SGPP2: variants seen among roughly 807,000 people sequenced by gnomAD.
SGPP2 encodes the protein sphingosine-1-phosphate phosphatase 2, also known as sphingosine 1-phosphate phosphohydrolase 2.
Under a neutral mutation model 33.9 loss-of-function variants are expected in SGPP2, and 30 were observed. That is an observed-to-expected ratio of 0.89 (90% CI 0.66 to 1.20). The LOEUF is 1.20. Among genes scored for constraint, SGPP2 ranks in the 50% most tolerant of loss-of-function variants. SGPP2 has a pLI of 0.00. For missense variants in SGPP2, 458 were observed against 532.1 expected, an observed-to-expected ratio of 0.86 and a Z score of 1.37; for synonymous variants, 233 against 225.0, an observed-to-expected ratio of 1.04 and a Z score of -0.32.
chr2:222,428,852 C>T (rs957742814), intron 1 of SGPP2, among the ~76,000 whole-genome samples: 1 of 145,014 alleles, frequency 6.9e-6, no homozygotes, highest in African/African-American at 2.6e-5. Flanking sequence ...AGTACAGTGG[C>T]TCCATCTCAG....
intron 4 of SGPP2, among the ~76,000 whole-genome samples, chr2:222,547,986 C>G (rs1457119195): frequency 2.6e-5 from 4 of 152,148 alleles, no homozygotes; most frequent in Non-Finnish European, 5.9e-5. Context: ...AGAAATATTA[C>G]ATTGAGATTT....
chr2:222,432,715 G>A (rs1697174821), intron 1 of SGPP2, among the ~76,000 whole-genome samples: 1 of 152,056 alleles, frequency 6.6e-6, no homozygotes, highest in African/African-American at 2.4e-5. Context: ...GTGGAGGGGG[G>A]AATGAAAAGT....
intron 2 of SGPP2, among the ~76,000 whole-genome samples, chr2:222,483,887 A>C (rs1431265197): frequency 1.3e-5 from 2 of 152,214 alleles, no homozygotes; most frequent in African/African-American, 4.8e-5. Flanking sequence ...GCTTGAGATT[A>C]ATGAGTCTTT....
chr2:222,453,581 GA>G (rs962984337), intron 1 of SGPP2, among the ~76,000 whole-genome samples: 60 of 145,852 alleles, frequency 4.1e-4, no homozygotes, highest in Middle Eastern at 6.9e-3. Context: ...TGAAGACAAG[GA>G]AAAAAAAAAT....
rs978553020 is a variant in SGPP2, at chr2:222,546,473, T to G, written c.649-11874T>G. Among the ~76,000 whole-genome samples the G allele has an allele frequency of 1.3e-5, 2 of 152,170 alleles. 1 individual carries two copies. Among genetic ancestry groups the G allele is most frequent in the South Asian group, 4.1e-4 (2 of 4,832 alleles). On this transcript the variant is annotated intron_variant, in intron 4 of 4. Coordinates refer to ENST00000321276, the MANE Select transcript of SGPP2 (RefSeq NM_152386.4). ...AAAAGAGAACATGGCCATATTTGACTTCACTGGAACAATCTGCAAAAAACT... is the reference window on the plus strand; with the variant it reads ...AAAAGAGAACATGGCCATATTTGACGTCACTGGAACAATCTGCAAAAAACT...
At chr2:222,481,776 A>C (rs1698034329) in intron 2 of SGPP2, among the ~76,000 whole-genome samples, 1 of 152,140 alleles carries the variant, frequency 6.6e-6, no homozygotes, top group Non-Finnish European at 1.5e-5. Flanking sequence ...AACCTGGTAC[A>C]TGCTGCCTGA....
At chr2:222,442,286 T>G (rs1049000210) in intron 1 of SGPP2, among the ~76,000 whole-genome samples, 2 of 152,232 alleles carry the variant, frequency 1.3e-5, no homozygotes, top group Non-Finnish European at 2.9e-5. Flanking sequence ...TTTTAGCTAT[T>G]TACTCACTTG....
rs35051844 is a variant in SGPP2 at position 222,501,326 on chromosome 2, A to ATT, written c.379-20433_379-20432dup. On this transcript the variant is annotated intron_variant, in intron 2 of 4. Transcript: ENST00000321276. ...ATCTCTCCAGAAATAAATCTTACTT[A>ATT]TTTTTTTTTGAGTGATCACCACTTA... Among the ~76,000 whole-genome samples the ATT allele has an allele frequency of 6.7e-3, 1,017 of 150,754 alleles. 4 individuals carry two copies. The highest frequency in any genetic ancestry group is 0.023 in the African/African-American group (957 of 41,210).
intron 4 of SGPP2, among the ~76,000 whole-genome samples, chr2:222,539,797 A>G (rs1698964839): frequency 1.3e-5 from 2 of 152,168 alleles, no homozygotes; most frequent in Non-Finnish European, 2.9e-5. Context: ...CAACATCTTC[A>G]GTTCAGGTGG....
At chr2:222,458,745 C>T (rs1697610828) in intron 1 of SGPP2, among the ~76,000 whole-genome samples, 1 of 152,130 alleles carries the variant, frequency 6.6e-6, no homozygotes, top group African/African-American at 2.4e-5. Context: ...ACATTTTCAT[C>T]ACCCCAAAAA....
intron 1 of SGPP2, among the ~76,000 whole-genome samples, chr2:222,425,184 C>G (rs1697044216): frequency 6.6e-6 from 1 of 152,202 alleles, no homozygotes; most frequent in Non-Finnish European, 1.5e-5. Flanking sequence ...GGGAGACGTT[C>G]TTAGACTCCC....
In SGPP2 at chr2:222,558,786, C is replaced by A. The variant is rs1420420235; in HGVS notation, c.1088C>A (p.Ala363Asp). 6.2e-7 allele frequency: 1 copy of A among 1,614,108 alleles called. No individual in the cohort carries two copies. The change falls in exon 5 of 5, where the codon GCC becomes GAC. Residue 363 changes from alanine (A) to aspartate (D), a missense_variant. Transcript: ENST00000321276. Reference protein sequence around the residue: ...WFKVVTRNKEARRRLEIEVPY... With the variant: ...WFKVVTRNKEDRRRLEIEVPY... ...AAGGTGGTCACCAGGAACAAGGAGGCCAGGCGGAGACTGGAGATTGAAGTG... is the reference window on the plus strand; with the variant it reads ...AAGGTGGTCACCAGGAACAAGGAGGACAGGCGGAGACTGGAGATTGAAGTG...
At chr2:222,557,871 A>T (rs1461592115) in intron 4 of SGPP2, among the ~76,000 whole-genome samples, 1 of 152,212 alleles carries the variant, frequency 6.6e-6, no homozygotes, top group Non-Finnish European at 1.5e-5. Context: ...CCCCAAAGGA[A>T]CATGTCCTCT....
chr2:222,507,102 T>C (rs1698456300), intron 2 of SGPP2, among the ~76,000 whole-genome samples: 1 of 152,174 alleles, frequency 6.6e-6, no homozygotes, highest in African/African-American at 2.4e-5. Context: ...TTGAAAATTT[T>C]AAAGAACTAG....
chr2:222,512,320 A>AT (rs575827326), intron 2 of SGPP2, among the ~76,000 whole-genome samples: 2 of 151,708 alleles, frequency 1.3e-5, no homozygotes, highest in South Asian at 4.2e-4. Context: ...CTAAACTTTT[A>AT]TTTTTTTTAG....
rs1421340569 is a variant in SGPP2 at position 222,521,952 on chromosome 2, G to C, written c.558+6G>C. 1 of 1,505,448 alleles carries C rather than the reference G, an allele frequency of 6.6e-7. No homozygotes were observed. The highest frequency in any genetic ancestry group is 8.9e-7 in the Non-Finnish European group (1 of 1,127,656). 93.3% of individuals were successfully genotyped at this position (1,505,448 alleles called of 1,614,324 possible). Reference sequence around the variant, plus strand: ...CTACTATGGACAGATACCAGGTAAGGTGGCCTGGTTCTTCTTCCTACCCAC... The same window carrying C: ...CTACTATGGACAGATACCAGGTAAGCTGGCCTGGTTCTTCTTCCTACCCAC... On this transcript the variant is annotated splice_donor_region_variant and intron_variant, in intron 3 of 4. Coordinates refer to ENST00000321276, the MANE Select transcript of SGPP2 (RefSeq NM_152386.4).
At chr2:222,488,999 T>G (rs913952773) in intron 2 of SGPP2, among the ~76,000 whole-genome samples, 1 of 152,226 alleles carries the variant, frequency 6.6e-6, no homozygotes, top group Non-Finnish European at 1.5e-5. Context: ...CCAAAAACAC[T>G]GTAACTTGGA....
At chr2:222,506,300 A>G in intron 2 of SGPP2, among the ~76,000 whole-genome samples, 1 of 152,238 alleles carries the variant, frequency 6.6e-6, no homozygotes, top group East Asian at 1.9e-4. Flanking sequence ...TTTGAATAAC[A>G]CTGTGGGACC....
At chr2:222,483,028 T>C (rs1208059251) in intron 2 of SGPP2, among the ~76,000 whole-genome samples, 1 of 152,066 alleles carries the variant, frequency 6.6e-6, no homozygotes, top group African/African-American at 2.4e-5. Flanking sequence ...AACAGATTGA[T>C]CCATGGTATA....
Sources: gnomAD v4.1 joint callset for allele counts (sites outside exome capture counted in the v4.1 genomes callset) on GRCh38, gnomAD v4.1.1 for gene constraint, MANE v1.5 for transcripts, NCBI Gene and HGNC (gene_info 2026-07-23, HGNC 2026-07-21) for gene names.